Variants in MACROD2 observed in about 807,000 individuals in gnomAD.
The protein encoded by MACROD2 is mono-ADP ribosylhydrolase 2.
Under a neutral mutation model 70.4 loss-of-function variants are expected in MACROD2, and 36 were observed. The observed-to-expected ratio is 0.51, with a 90% CI of 0.39 to 0.68. The LOEUF is 0.68. MACROD2 is among the 30% of genes least tolerant of loss of function. The probability of loss-of-function intolerance (pLI) is 0.00; values close to 1 mark genes in which losing one functional copy is unlikely to be tolerated. For synonymous variants in MACROD2, 172 were observed against 178.8 expected, an observed-to-expected ratio of 0.96 and a Z score of 0.30; for missense variants, 496 against 538.4, an observed-to-expected ratio of 0.92 and a Z score of 0.78.
intron 5 of MACROD2, among the ~76,000 whole-genome samples, chr20:14,919,402 A>C (rs2074133827): frequency 6.6e-6 from 1 of 152,234 alleles, no homozygotes; most frequent in Non-Finnish European, 1.5e-5. Context: ...TAATTTCAGC[A>C]ACAGCAATTG....
intron 7 of MACROD2, among the ~76,000 whole-genome samples, chr20:15,466,126 C>G (rs2046884663): frequency 6.6e-6 from 1 of 152,072 alleles, no homozygotes. Flanking sequence ...AAGTTTGATC[C>G]CAGACTTTCT....
At chr20:15,909,282 T>C (rs936650637) in intron 10 of MACROD2, among the ~76,000 whole-genome samples, 2 of 152,182 alleles carry the variant, frequency 1.3e-5, no homozygotes, top group African/African-American at 4.8e-5. Flanking sequence ...CCATAGTGAT[T>C]ATGTCAAGAG....
At chr20:15,186,952 T>C (rs2076538722) in intron 5 of MACROD2, among the ~76,000 whole-genome samples, 1 of 152,248 alleles carries the variant, frequency 6.6e-6, no homozygotes, top group South Asian at 2.1e-4. Context: ...TTAAAATATC[T>C]ATGCCTATTT....
At chr20:14,044,898 C>G (rs190389080) in intron 2 of MACROD2, among the ~76,000 whole-genome samples, 4 of 152,286 alleles carry the variant, frequency 2.6e-5, no homozygotes, top group African/African-American at 7.2e-5. Flanking sequence ...CGGGGAGGCT[C>G]GGGCCACGCA....
At chr20:15,093,484 C>T (rs116033059) in intron 5 of MACROD2, among the ~76,000 whole-genome samples, 101 of 152,106 alleles carry the variant, frequency 6.6e-4, no homozygotes, top group African/African-American at 2.4e-3. Context: ...TTTTCTTGGC[C>T]TATGAACTGC....
chr20:15,454,353 C>G (rs2146399511), intron 7 of MACROD2, among the ~76,000 whole-genome samples: 1 of 151,500 alleles, frequency 6.6e-6, no homozygotes, highest in Admixed American at 6.6e-5. Context: ...ACACTGCCTT[C>G]CCCTCTCATG....
chr20:14,161,662 C>T (rs183244773), intron 3 of MACROD2, among the ~76,000 whole-genome samples: 187 of 151,692 alleles, frequency 1.2e-3, no homozygotes, highest in Non-Finnish European at 1.5e-3. Context: ...CTGCAACTTC[C>T]GCCTCCCAGG....
At chr20:15,302,378 A>ACATACAC (rs1431860057) in intron 6 of MACROD2, among the ~76,000 whole-genome samples, 7 of 33,602 alleles carry the variant, frequency 2.1e-4, no homozygotes, top group Middle Eastern at 0.011. Flanking sequence ...ACACACACAC[A>ACATACAC]CACATACACA....
At chr20:15,247,711 T>C (rs1255686422) in intron 6 of MACROD2, among the ~76,000 whole-genome samples, 1 of 152,076 alleles carries the variant, frequency 6.6e-6, no homozygotes, top group Non-Finnish European at 1.5e-5. Context: ...GATTTTTTTT[T>C]TTTTGAGACT....
intron 8 of MACROD2, among the ~76,000 whole-genome samples, chr20:15,635,707 C>A (rs1674645454): frequency 1.3e-5 from 2 of 152,148 alleles, no homozygotes; most frequent in African/African-American, 4.8e-5. Flanking sequence ...TGTAACAAAC[C>A]TGTGCCTGTG....
At chr20:14,896,362 G>A (rs2073829710) in intron 5 of MACROD2, among the ~76,000 whole-genome samples, 1 of 151,986 alleles carries the variant, frequency 6.6e-6, no homozygotes, top group East Asian at 1.9e-4. Flanking sequence ...TCTTAAAGGA[G>A]GTATTTGTGT....
chr20:15,364,850 G>C (rs759842370), intron 6 of MACROD2, among the ~76,000 whole-genome samples: 7 of 152,366 alleles, frequency 4.6e-5, no homozygotes, highest in Admixed American at 3.9e-4. Context: ...TTAAAACCTA[G>C]TGTAGACAAT....
At chr20:14,296,817 C>T (rs1286304196) in intron 3 of MACROD2, among the ~76,000 whole-genome samples, 2 of 151,864 alleles carry the variant, frequency 1.3e-5, no homozygotes, top group African/African-American at 4.9e-5. Flanking sequence ...TTTTATATAC[C>T]TATACACATA....
At chr20:15,330,933 T>C (rs1034857842) in intron 6 of MACROD2, among the ~76,000 whole-genome samples, 1 of 151,730 alleles carries the variant, frequency 6.6e-6, no homozygotes, top group Admixed American at 6.6e-5. Context: ...TATCTCTTAC[T>C]TGTGGCTTGC....
intron 10 of MACROD2, among the ~76,000 whole-genome samples, chr20:15,919,826 G>C (rs2065375793): frequency 6.6e-6 from 1 of 152,086 alleles, no homozygotes; most frequent in Non-Finnish European, 1.5e-5. Flanking sequence ...AAAAGACAGA[G>C]ACCATTGGGA....
chr20:14,773,070 T>C (rs867620563), intron 5 of MACROD2, among the ~76,000 whole-genome samples: 8 of 151,986 alleles, frequency 5.3e-5, no homozygotes, highest in Admixed American at 2.0e-4. Context: ...AAATCACATT[T>C]ATCAGGACAG....
chr20:15,469,458 C>T (rs1311922423), intron 7 of MACROD2, among the ~76,000 whole-genome samples: 1 of 152,128 alleles, frequency 6.6e-6, no homozygotes, highest in Non-Finnish European at 1.5e-5. Context: ...AGATCAATGT[C>T]AAGCTACGGA....
At chr20:14,356,833 G>A (rs963407003) in intron 3 of MACROD2, among the ~76,000 whole-genome samples, 3 of 152,044 alleles carry the variant, frequency 2.0e-5, no homozygotes, top group East Asian at 1.9e-4. Flanking sequence ...GAGACCTCAC[G>A]CACGGCTGGC....
At chr20:14,736,593 T>C (rs2071667803) in intron 5 of MACROD2, among the ~76,000 whole-genome samples, 1 of 152,204 alleles carries the variant, frequency 6.6e-6, no homozygotes, top group Non-Finnish European at 1.5e-5. Flanking sequence ...ATCATTAATA[T>C]CAGTGATAAT....
Sources: gnomAD v4.1 joint callset for allele counts (sites outside exome capture counted in the v4.1 genomes callset) on GRCh38, gnomAD v4.1.1 for gene constraint, MANE v1.5 for transcripts, NCBI Gene and HGNC (gene_info 2026-07-23, HGNC 2026-07-21) for gene names.